XKR4: variants seen among roughly 807,000 people sequenced by gnomAD.
XKR4 encodes XK related 4, also known as XK-related protein 4.
Under a neutral mutation model 53.9 loss-of-function variants are expected in XKR4, and 12 were observed. The observed-to-expected ratio is 0.22, with a 90% CI of 0.14 to 0.36. The LOEUF is 0.36. Ranked by LOEUF, XKR4 falls within the 10% of genes least tolerant of loss-of-function variation. XKR4 has a pLI of 1.00. For missense variants in XKR4, 799 were observed against 859.5 expected (o/e 0.93, Z 0.88); for synonymous variants, 354 against 362.4 (o/e 0.98, Z 0.26).
intron 1 of XKR4, among the ~76,000 whole-genome samples, chr8:55,219,397 G>A (rs1368253291): frequency 6.6e-6 from 1 of 152,154 alleles, no homozygotes; most frequent in African/African-American, 2.4e-5. Flanking sequence ...CAGCTCTTGT[G>A]TAACTGAGCT....
Position 55,231,073 on chromosome 8 carries a change from C to T in XKR4, c.807-126605C>T, listed in dbSNP as rs184385619. On this transcript the variant is annotated intron_variant, in intron 1 of 2. Coordinates refer to ENST00000327381, the MANE Select transcript of XKR4 (RefSeq NM_052898.2). ...TTTAAAATGAAGAGTTCGAAACTGA[C>T]GTTAATGAGGTTTCTTCCGTTGCTA... is the stretch of plus-strand genomic sequence containing the variant. Among the ~76,000 whole-genome samples the T allele has an allele frequency of 3.2e-3, 481 of 152,254 alleles. 6 individuals carry two copies. Among genetic ancestry groups the T allele is most frequent in the Admixed American group, 0.026 (405 of 15,300 alleles).
intron 1 of XKR4, among the ~76,000 whole-genome samples, chr8:55,225,486 C>T (rs751091811): frequency 6.6e-5 from 10 of 152,146 alleles, no homozygotes; most frequent in Admixed American, 2.0e-4. Context: ...TGGTGCTCAG[C>T]GACCAATGGT....
intron 2 of XKR4, among the ~76,000 whole-genome samples, chr8:55,368,992 CAT>C (rs1727116216): frequency 6.6e-6 from 1 of 152,108 alleles, no homozygotes; most frequent in African/African-American, 2.4e-5. Flanking sequence ...CCCTATTACA[CAT>C]ATTATTAAAG....
chr8:55,453,219 G>A, intron 2 of XKR4: 1 of 491,470 alleles, frequency 2.0e-6, no homozygotes, highest in Non-Finnish European at 4.2e-6. Flanking sequence ...TCCGCTTCCA[G>A]GAAGGCTGTG....
intron 1 of XKR4, among the ~76,000 whole-genome samples, chr8:55,229,761 G>GC (rs1290974618): frequency 6.6e-6 from 1 of 151,894 alleles, no homozygotes; most frequent in Non-Finnish European, 1.5e-5. Context: ...GATCACCTTG[G>GC]CCCCCCTACA....
At chr8:55,383,620 T>A (rs1257625691) in intron 2 of XKR4, among the ~76,000 whole-genome samples, 1 of 152,218 alleles carries the variant, frequency 6.6e-6, no homozygotes, top group African/African-American at 2.4e-5. Flanking sequence ...TGGTTAACAT[T>A]TCTGAAATGA....
chr8:55,387,564 G>T (rs1172447314), intron 2 of XKR4, among the ~76,000 whole-genome samples: 1 of 152,168 alleles, frequency 6.6e-6, no homozygotes, highest in Non-Finnish European at 1.5e-5. Flanking sequence ...CCATTAACTG[G>T]GGCTCTGGGT....
intron 2 of XKR4, among the ~76,000 whole-genome samples, chr8:55,361,971 G>A (rs1453832339): frequency 6.6e-6 from 1 of 152,074 alleles, no homozygotes; most frequent in Non-Finnish European, 1.5e-5. Context: ...TTTCCTCAAG[G>A]TGTCCTGAAC....
chr8:55,456,574 A>G (rs1805573674), intron 2 of XKR4, among the ~76,000 whole-genome samples: 1 of 152,240 alleles, frequency 6.6e-6, no homozygotes, highest in African/African-American at 2.4e-5. Context: ...GAGAAATAGA[A>G]CCCAAATATT....
chr8:55,367,211 A>G (rs1236412465), intron 2 of XKR4, among the ~76,000 whole-genome samples: 1 of 151,906 alleles, frequency 6.6e-6, no homozygotes, highest in Non-Finnish European at 1.5e-5. Context: ...TGACCTTTAT[A>G]TAAATAGAAA....
chr8:55,469,178 C>T (rs1805832489), intron 2 of XKR4, among the ~76,000 whole-genome samples: 1 of 152,086 alleles, frequency 6.6e-6, no homozygotes, highest in Non-Finnish European at 1.5e-5. Flanking sequence ...GCAGTGTGTC[C>T]CTCCAGGACT....
Position 55,449,389 on chromosome 8 carries a change from C to G in XKR4, c.1007-73892C>G, listed in dbSNP as rs1056882689. 8.1e-6 allele frequency: 5 copies of G among 618,830 alleles called. No homozygotes were observed. The African/African-American group carries it at 9.2e-5, about 11-fold the overall frequency. 38.3% of individuals were successfully genotyped at this position (618,830 alleles called of 1,614,324 possible). Reference sequence around the variant, plus strand: ...GGGCTGTACACACAAGTGCTGGGGGCTCGGGGCCTCACTACTGCCGAGGGC... The same window carrying G: ...GGGCTGTACACACAAGTGCTGGGGGGTCGGGGCCTCACTACTGCCGAGGGC... On this transcript the variant is annotated intron_variant, in intron 2 of 2. Coordinates refer to ENST00000327381, the MANE Select transcript of XKR4 (RefSeq NM_052898.2).
chr8:55,515,330 C>T (rs1806696039), intron 2 of XKR4, among the ~76,000 whole-genome samples: 1 of 152,128 alleles, frequency 6.6e-6, no homozygotes, highest in African/African-American at 2.4e-5. Context: ...AAGCCCTAGA[C>T]CCGGTGGAGC....
chr8:55,236,915 C>G (rs2129367679), intron 1 of XKR4, among the ~76,000 whole-genome samples: 1 of 152,304 alleles, frequency 6.6e-6, no homozygotes, highest in South Asian at 2.1e-4. Flanking sequence ...GTCACTATTC[C>G]TACCATCTCA....
At chr8:55,392,132 A>G (rs2129388766) in intron 2 of XKR4, among the ~76,000 whole-genome samples, 1 of 152,302 alleles carries the variant, frequency 6.6e-6, no homozygotes, top group East Asian at 1.9e-4. Flanking sequence ...TTTTTCCTGA[A>G]GCTTTGTGTT....
chr8:55,413,588 C>A (rs776976949), intron 2 of XKR4, among the ~76,000 whole-genome samples: 1 of 152,144 alleles, frequency 6.6e-6, no homozygotes, highest in Non-Finnish European at 1.5e-5. Flanking sequence ...TTTTTCGTGG[C>A]AGCAAAAGAG....
intron 1 of XKR4, among the ~76,000 whole-genome samples, chr8:55,202,504 C>T (rs1437661680): frequency 5.3e-5 from 8 of 152,128 alleles, no homozygotes; most frequent in African/African-American, 2.4e-5. Flanking sequence ...TGCCAAGGAG[C>T]GTTAGTTTCC....
In XKR4 at chr8:55,397,326, A is replaced by G. The variant is rs552042556; in HGVS notation, c.1006+39449A>G. On this transcript the variant is annotated intron_variant, in intron 2 of 2. Transcript: ENST00000327381. The stretch of plus-strand genomic sequence containing the variant: ...TTCCTCTATTGTGTAATCTCAGTGG[A>G]AAAGTTTTCAGGAAACAATGCAGGG... Among the ~76,000 whole-genome samples the G allele has an allele frequency of 2.0e-5, 3 of 152,266 alleles. No homozygotes were observed. In the East Asian group the frequency reaches 5.8e-4, roughly 29 times the overall value.
At chr8:55,503,796 C>A (rs1480556595) in intron 2 of XKR4, among the ~76,000 whole-genome samples, 1 of 152,102 alleles carries the variant, frequency 6.6e-6, no homozygotes, top group Non-Finnish European at 1.5e-5. Context: ...AGAAGAAAAG[C>A]TTTCAGTCTT....
Sources: allele counts gnomAD v4.1 joint callset (sites outside exome capture counted in the v4.1 genomes callset), GRCh38; gene constraint gnomAD v4.1.1; transcripts MANE v1.5; gene names NCBI Gene and HGNC (gene_info 2026-07-23, HGNC 2026-07-21).